Variants in PCCA observed in about 807,000 individuals in gnomAD.
PCCA encodes propionyl-CoA carboxylase alpha chain, mitochondrial.
In PCCA, 74 loss-of-function variants were observed where a neutral mutation model predicts 101.3. That is an observed-to-expected ratio of 0.73 (90% confidence interval 0.61 to 0.89). PCCA has a LOEUF of 0.89. PCCA is among the 40% of genes least tolerant of loss of function. The probability of loss-of-function intolerance (pLI) is 0.00; values close to 1 mark genes in which losing one functional copy is unlikely to be tolerated. For missense variants in PCCA, 891 were observed against 907.0 expected, an observed-to-expected ratio of 0.98 and a Z score of 0.23; for synonymous variants, 294 against 313.6, an observed-to-expected ratio of 0.94 and a Z score of 0.66.
intron 19 of PCCA, among the ~76,000 whole-genome samples, chr13:100,405,161 A>T (rs1381896116): frequency 6.6e-6 from 1 of 152,196 alleles, no homozygotes; most frequent in Non-Finnish European, 1.5e-5. Context: ...ATTTGGGTGC[A>T]TGGTGCTTGG....
At chr13:100,407,374 C>A (rs576020964) in intron 19 of PCCA, among the ~76,000 whole-genome samples, 1 of 152,182 alleles carries the variant, frequency 6.6e-6, no homozygotes, top group South Asian at 2.1e-4. Flanking sequence ...TTGAGAAGGC[C>A]GTTAAACGTT....
chr13:100,448,805 C>T (rs755231133), intron 20 of PCCA, among the ~76,000 whole-genome samples: 5 of 152,180 alleles, frequency 3.3e-5, no homozygotes, highest in Non-Finnish European at 7.3e-5. Flanking sequence ...ATAATTCACA[C>T]ACCATACAAT....
intron 8 of PCCA, among the ~76,000 whole-genome samples, chr13:100,251,671 T>C (rs1454145338): frequency 6.6e-6 from 1 of 152,248 alleles, no homozygotes; most frequent in African/African-American, 2.4e-5. Flanking sequence ...ACAGATTATT[T>C]GCTAAGAAAA....
chr13:100,381,221 A>T (rs1276141391), intron 19 of PCCA, among the ~76,000 whole-genome samples: 1 of 152,116 alleles, frequency 6.6e-6, no homozygotes, highest in East Asian at 1.9e-4. Flanking sequence ...CGTCTCTACT[A>T]AAAATACAAA....
At chr13:100,323,417 C>G (rs9518050) in intron 16 of PCCA, among the ~76,000 whole-genome samples, 143,426 of 152,200 alleles carry the variant, frequency 0.94, 68,159 homozygotes, top group East Asian at 1. Context: ...CACCTCCCGG[C>G]TTCAAGCGGG....
chr13:100,350,917 T>C (rs982326203), intron 18 of PCCA, among the ~76,000 whole-genome samples: 1 of 152,244 alleles, frequency 6.6e-6, no homozygotes, highest in Non-Finnish European at 1.5e-5. Context: ...TTGTTCAATG[T>C]GAAACATTTT....
chr13:100,290,328 C>T lies in PCCA; in HGVS notation c.1066-11132C>T, dbSNP rs555627143. On this transcript the variant is annotated intron_variant, in intron 12 of 23. Coordinates refer to ENST00000376285, the MANE Select transcript of PCCA (RefSeq NM_000282.4). ...CTGTGCTCAAGCAGTCCTCCTGCCTCGGCCTCCTGAGTAGCTGGGACCATA... is the reference window on the plus strand; with the variant it reads ...CTGTGCTCAAGCAGTCCTCCTGCCTTGGCCTCCTGAGTAGCTGGGACCATA... 1.2e-3 allele frequency among the ~76,000 whole-genome samples: 190 copies of T among 152,206 alleles called. 1 individual carries two copies. The highest frequency in any genetic ancestry group is 3.3e-3 in the Admixed American group (51 of 15,292).
chr13:100,140,180 G>A (rs1000121214), intron 4 of PCCA, among the ~76,000 whole-genome samples: 3 of 152,140 alleles, frequency 2.0e-5, no homozygotes, highest in Non-Finnish European at 4.4e-5. Context: ...TTAGAAATCT[G>A]AGGTTTTATT....
chr13:100,439,099 C>T (rs550615025), intron 20 of PCCA, among the ~76,000 whole-genome samples: 1 of 152,236 alleles, frequency 6.6e-6, no homozygotes, highest in African/African-American at 2.4e-5. Flanking sequence ...TCAGTAGCTA[C>T]GTGTAGCTAG....
At chr13:100,332,323 C>T (rs1269178031) in intron 17 of PCCA, among the ~76,000 whole-genome samples, 1 of 152,062 alleles carries the variant, frequency 6.6e-6, no homozygotes, top group East Asian at 1.9e-4. Flanking sequence ...GTTTCTTGTC[C>T]TTCCTAAAAT....
chr13:100,392,489 A>G (rs1211247691), intron 19 of PCCA, among the ~76,000 whole-genome samples: 2 of 152,218 alleles, frequency 1.3e-5, no homozygotes, highest in African/African-American at 4.8e-5. Flanking sequence ...TCAAATATCA[A>G]AGCATAGGCA....
At chr13:100,260,886 A>G (rs2062452641) in intron 9 of PCCA, among the ~76,000 whole-genome samples, 2 of 151,666 alleles carry the variant, frequency 1.3e-5, no homozygotes, top group Admixed American at 1.3e-4. Context: ...ATGAAAAACC[A>G]TCCTTTAAAA....
At chr13:100,237,098 T>C (rs1174617017) in intron 8 of PCCA, 3 of 152,244 alleles carry the variant, frequency 2.0e-5, no homozygotes, top group Non-Finnish European at 4.4e-5. Flanking sequence ...GAGCATTTGA[T>C]TTGGCAAAGC....
intron 7 of PCCA, among the ~76,000 whole-genome samples, chr13:100,217,250 G>T (rs1041653815): frequency 1.4e-4 from 21 of 152,048 alleles, no homozygotes; most frequent in Non-Finnish European, 2.5e-4. Flanking sequence ...TTCGAGACCA[G>T]CCTGGCCAGC....
At chr13:100,426,921 TA>T (rs1261727439) in intron 20 of PCCA, among the ~76,000 whole-genome samples, 5 of 152,192 alleles carry the variant, frequency 3.3e-5, no homozygotes, top group Non-Finnish European at 7.4e-5. Context: ...ATTATGTCTT[TA>T]AAAACTGTGG....
chr13:100,498,401 TC>T (rs1307829221), intron 21 of PCCA, among the ~76,000 whole-genome samples: 1 of 151,860 alleles, frequency 6.6e-6, no homozygotes, highest in African/African-American at 2.4e-5. Context: ...AAGCCACAAA[TC>T]AGTTGGAAAC....
intron 12 of PCCA, among the ~76,000 whole-genome samples, chr13:100,282,585 A>ACT (rs1326142915): frequency 5.3e-5 from 8 of 152,078 alleles, no homozygotes; most frequent in African/African-American, 1.9e-4. Context: ...GCGGCTGTGG[A>ACT]GGTTGTACTG....
intron 19 of PCCA, among the ~76,000 whole-genome samples, chr13:100,409,991 C>T (rs1232673812): frequency 6.6e-6 from 1 of 151,998 alleles, no homozygotes; most frequent in African/African-American, 2.4e-5. Flanking sequence ...AACTCCTGAC[C>T]TCAAGTGATC....
At chr13:100,266,733 C>T (rs1459630117) in intron 10 of PCCA, among the ~76,000 whole-genome samples, 3 of 152,168 alleles carry the variant, frequency 2.0e-5, no homozygotes, top group African/African-American at 4.8e-5. Flanking sequence ...AATGGCACCT[C>T]TCTTTGTGGC....
Sources: gnomAD v4.1 joint callset for allele counts (sites outside exome capture counted in the v4.1 genomes callset) on GRCh38, gnomAD v4.1.1 for gene constraint, MANE v1.5 for transcripts, NCBI Gene and HGNC (gene_info 2026-07-23, HGNC 2026-07-21) for gene names.